TAFA2: variants seen among roughly 807,000 people sequenced by gnomAD.
TAFA2 encodes the protein TAFA chemokine like family member 2.
TAFA2 carries 7 observed loss-of-function variants against 18.8 expected under a neutral mutation model. The observed-to-expected ratio is 0.37, with a 90% CI of 0.21 to 0.70. The LOEUF is 0.70. TAFA2 is among the 30% of genes least tolerant of loss of function. TAFA2 has a pLI of 0.53. For synonymous variants in TAFA2, 60 were observed against 54.2 expected, an observed-to-expected ratio of 1.11 and a Z score of -0.47; for missense variants, 122 against 158.1, an observed-to-expected ratio of 0.77 and a Z score of 1.23.
At chr12:61,939,551 C>T (rs186809078) in intron 1 of TAFA2, among the ~76,000 whole-genome samples, 1 of 152,282 alleles carries the variant, frequency 6.6e-6, no homozygotes. Flanking sequence ...TAACTACTTG[C>T]ATGATCTTAC....
chr12:61,748,934 C>T (rs1239407591), intron 4 of TAFA2, among the ~76,000 whole-genome samples: 1 of 151,774 alleles, frequency 6.6e-6, no homozygotes, highest in Non-Finnish European at 1.5e-5. Context: ...ACCACTGATT[C>T]CAGTGTTTGT....
At chr12:61,931,574 A>G (rs1877555955) in intron 1 of TAFA2, among the ~76,000 whole-genome samples, 1 of 152,204 alleles carries the variant, frequency 6.6e-6, no homozygotes, top group Admixed American at 6.6e-5. Context: ...GAAACTCTAT[A>G]TAATACAAAA....
intron 1 of TAFA2, among the ~76,000 whole-genome samples, chr12:62,002,179 T>C (rs1196670969): frequency 6.6e-6 from 1 of 152,230 alleles, no homozygotes; most frequent in African/African-American, 2.4e-5. Context: ...TCATATAGCC[T>C]AGGACATAGT....
At chr12:61,911,067 G>T (rs1876590436) in intron 1 of TAFA2, among the ~76,000 whole-genome samples, 1 of 152,108 alleles carries the variant, frequency 6.6e-6, no homozygotes, top group Non-Finnish European at 1.5e-5. Context: ...TTGGTATTTT[G>T]TCCTCACAAT....
intron 1 of TAFA2, among the ~76,000 whole-genome samples, chr12:62,035,370 C>A (rs931126926): frequency 2.0e-5 from 3 of 152,076 alleles, no homozygotes; most frequent in African/African-American, 7.2e-5. Context: ...TTAATAATGT[C>A]CAAGGACAGG....
chr12:61,715,389 C>G (rs887545265), intron 4 of TAFA2, among the ~76,000 whole-genome samples: 3 of 151,820 alleles, frequency 2.0e-5, no homozygotes, highest in Non-Finnish European at 2.9e-5. Flanking sequence ...CGTTCTGTCA[C>G]CCAGGCTGGA....
intron 1 of TAFA2, among the ~76,000 whole-genome samples, chr12:61,976,778 G>A (rs1005323452): frequency 1.3e-5 from 2 of 151,996 alleles, no homozygotes; most frequent in Non-Finnish European, 2.9e-5. Context: ...AACATGTTTA[G>A]TTTTCTGTCC....
rs1342660912 is a variant in TAFA2 at position 62,076,225 on chromosome 12, T to C, written c.-2+115034A>G. On this transcript the variant is annotated intron_variant, in intron 1 of 4. Transcript: ENST00000416284. ...ATTTGAGCATGTCTGGTATAATCCA[T>C]AGTATGCTGAAAGATCAAACAGACA... 5.3e-5 allele frequency among the ~76,000 whole-genome samples: 8 copies of C among 152,252 alleles called. No individual in the cohort carries two copies. The South Asian group carries it at 8.3e-4, about 16-fold the overall frequency.
chr12:61,820,382 T>C (rs942646717), intron 2 of TAFA2, among the ~76,000 whole-genome samples: 21 of 152,152 alleles, frequency 1.4e-4, no homozygotes, highest in African/African-American at 4.6e-4. Context: ...AATGTCTACA[T>C]TCATGTCCTC....
chr12:61,896,300 A>G (rs1161734114), intron 1 of TAFA2, among the ~76,000 whole-genome samples: 1 of 152,250 alleles, frequency 6.6e-6, no homozygotes, highest in Non-Finnish European at 1.5e-5. Flanking sequence ...GAAAAAAATT[A>G]GCAATGGCAG....
rs145781479 is a variant in TAFA2, at chr12:62,207,916, C to T, written c.-130+50847G>A. On this transcript the variant is annotated intron_variant, in intron 1 of 5. Coordinates refer to the TAFA2 transcript ENST00000551619. ...CTCCCTGTGGTAAGTCAGGTAACTT[C>T]GGCACTGGGCTTAATCCTCCTTCAA... Among the ~76,000 whole-genome samples the T allele has an allele frequency of 3.9e-4, 60 of 152,234 alleles. No homozygotes were observed. In the East Asian group the frequency reaches 0.011, roughly 28 times the overall value.
At chr12:62,013,280 AAATC>A (rs1327089772) in intron 1 of TAFA2, among the ~76,000 whole-genome samples, 1 of 152,188 alleles carries the variant, frequency 6.6e-6, no homozygotes. Context: ...AGCACAATAG[AAATC>A]AATGCCTGCC....
At chr12:62,114,612 A>G (rs928590360) in intron 1 of TAFA2, among the ~76,000 whole-genome samples, 2 of 152,208 alleles carry the variant, frequency 1.3e-5, no homozygotes, top group African/African-American at 4.8e-5. Context: ...TCCAATTACC[A>G]TTGCCAGGCA....
intron 1 of TAFA2, among the ~76,000 whole-genome samples, chr12:62,118,619 A>G (rs74416866): frequency 0.051 from 7,719 of 152,182 alleles, 291 homozygotes; most frequent in Non-Finnish European, 0.079. Flanking sequence ...TTCCTCTCCA[A>G]TAATTGACAC....
intron 1 of TAFA2, among the ~76,000 whole-genome samples, chr12:62,248,324 C>T (rs545675225): frequency 1.3e-5 from 2 of 152,320 alleles, no homozygotes; most frequent in East Asian, 3.9e-4. Flanking sequence ...GAACATGACA[C>T]ATGAGTTGTA....
intron 2 of TAFA2, among the ~76,000 whole-genome samples, chr12:61,855,227 C>A (rs1302555239): frequency 6.6e-6 from 1 of 152,172 alleles, no homozygotes. Context: ...TGAGAACACT[C>A]ATTTCAGCCA....
chr12:62,147,278 A>G (rs961311213), intron 1 of TAFA2, among the ~76,000 whole-genome samples: 14 of 144,788 alleles, frequency 9.7e-5, no homozygotes, highest in East Asian at 6.0e-4. Context: ...GTGTGTGTGT[A>G]TATATATGTA....
chr12:62,208,570 T>A (rs1455988118), intron 1 of TAFA2, among the ~76,000 whole-genome samples: 1 of 152,038 alleles, frequency 6.6e-6, no homozygotes, highest in Admixed American at 6.6e-5. Context: ...AAAATCATTG[T>A]GAATACCTAG....
At chr12:61,774,197 G>A (rs758809032) in intron 2 of TAFA2, among the ~76,000 whole-genome samples, 2 of 151,876 alleles carry the variant, frequency 1.3e-5, no homozygotes, top group Non-Finnish European at 2.9e-5. Context: ...CCTGAATGTG[G>A]TGAAAAGGGA....
Sources: allele counts gnomAD v4.1 joint callset (sites outside exome capture counted in the v4.1 genomes callset), GRCh38; gene constraint gnomAD v4.1.1; transcripts MANE v1.5; gene names NCBI Gene and HGNC (gene_info 2026-07-23, HGNC 2026-07-21).